The following MDGA2 variants were observed in gnomAD, a reference collection of about 807,000 sequenced individuals.
MDGA2 encodes the protein MAM domain-containing glycosylphosphatidylinositol anchor protein 2.
MDGA2 carries 40 observed loss-of-function variants against 117.8 expected under a neutral mutation model. The ratio of observed to expected loss-of-function variants is 0.34; its 90% confidence interval spans 0.26 to 0.44. The LOEUF is 0.44. MDGA2 is among the 20% of genes least tolerant of loss of function. MDGA2 has a pLI of 1.00. For missense variants in MDGA2, 1,123 were observed against 1,250.6 expected (o/e 0.90, Z 1.54); for synonymous variants, 452 against 439.0 (o/e 1.03, Z -0.37).
At chr14:47,103,439 T>G (rs959195214) in intron 5 of MDGA2, among the ~76,000 whole-genome samples, 4 of 152,228 alleles carry the variant, frequency 2.6e-5, no homozygotes, top group Non-Finnish European at 5.9e-5. Context: ...TATGTGGAGT[T>G]ATTATTCAAA....
intron 8 of MDGA2, among the ~76,000 whole-genome samples, chr14:46,989,681 T>C (rs928603632): frequency 2.0e-5 from 3 of 152,076 alleles, no homozygotes; most frequent in African/African-American, 2.4e-5. Flanking sequence ...TCCATATAGA[T>C]TGTGTTTTTT....
chr14:47,554,292 G>C (rs536002925), intron 1 of MDGA2, among the ~76,000 whole-genome samples: 59 of 152,298 alleles, frequency 3.9e-4, no homozygotes, highest in African/African-American at 1.4e-3. Context: ...GAATTTTGCT[G>C]CTAGGAAAAA....
At chr14:47,113,933 AG>A (rs1302315768) in intron 5 of MDGA2, among the ~76,000 whole-genome samples, 18 of 152,270 alleles carry the variant, frequency 1.2e-4, no homozygotes, top group African/African-American at 3.8e-4. Flanking sequence ...AAAGAAATAA[AG>A]GGTATTCAGA....
At chr14:47,254,079 G>A (rs898403661) in intron 2 of MDGA2, among the ~76,000 whole-genome samples, 2 of 152,174 alleles carry the variant, frequency 1.3e-5, no homozygotes, top group African/African-American at 2.4e-5. Flanking sequence ...GAGCAGGGGG[G>A]CCCTGGGCCT....
At chr14:47,405,761 T>C (rs1204583360) in intron 1 of MDGA2, among the ~76,000 whole-genome samples, 2 of 152,144 alleles carry the variant, frequency 1.3e-5, no homozygotes, top group African/African-American at 4.8e-5. Context: ...GAGGGAGATT[T>C]AAAGTGCTTG....
chr14:47,290,677 G>C (rs1473967728), intron 2 of MDGA2, among the ~76,000 whole-genome samples: 1 of 151,752 alleles, frequency 6.6e-6, no homozygotes, highest in Admixed American at 6.6e-5. Flanking sequence ...AAGATACTAG[G>C]GTCACATGTA....
chr14:46,944,148 G>A lies in MDGA2; in HGVS notation c.2089+13226C>T, dbSNP rs1885090327. 2.0e-5 allele frequency among the ~76,000 whole-genome samples: 3 copies of A among 151,678 alleles called. No individual in the cohort carries two copies. The South Asian group carries it at 6.2e-4, about 32-fold the overall frequency. ...AAAGATCACCGTTTAGCATATTTTTGTACTGCAGTTTCACAGACTACCAAT... is the reference window on the plus strand; with the variant it reads ...AAAGATCACCGTTTAGCATATTTTTATACTGCAGTTTCACAGACTACCAAT... On this transcript the variant is annotated intron_variant, in intron 9 of 16. Coordinates refer to ENST00000399232, the MANE Select transcript of MDGA2 (RefSeq NM_001113498.3).
chr14:47,441,523 T>C (rs1893011104), intron 1 of MDGA2, among the ~76,000 whole-genome samples: 1 of 152,184 alleles, frequency 6.6e-6, no homozygotes, highest in South Asian at 2.1e-4. Flanking sequence ...AGAGATAATC[T>C]AACTCTAATT....
chr14:47,467,289 G>A (rs1893623945), intron 1 of MDGA2, among the ~76,000 whole-genome samples: 1 of 152,040 alleles, frequency 6.6e-6, no homozygotes, highest in Admixed American at 6.6e-5. Context: ...GCTGACTATG[G>A]GTAGCTGAGA....
chr14:47,130,071 T>C (rs1304762150), intron 5 of MDGA2, among the ~76,000 whole-genome samples: 1 of 151,822 alleles, frequency 6.6e-6, no homozygotes, highest in Non-Finnish European at 1.5e-5. Flanking sequence ...TAGTTTCTTT[T>C]GCTGTGCAGA....
At chr14:47,007,980 G>A (rs1186628626) in intron 8 of MDGA2, among the ~76,000 whole-genome samples, 1 of 151,742 alleles carries the variant, frequency 6.6e-6, no homozygotes, top group East Asian at 1.9e-4. Flanking sequence ...TGGAAAGCAT[G>A]CAATTTCCAA....
At chr14:47,411,605 T>C (rs1279643708) in intron 1 of MDGA2, among the ~76,000 whole-genome samples, 2 of 152,122 alleles carry the variant, frequency 1.3e-5, no homozygotes, top group Admixed American at 6.6e-5. Flanking sequence ...AAATGTTATA[T>C]AGGACCAGAA....
intron 5 of MDGA2, among the ~76,000 whole-genome samples, chr14:47,127,541 A>G (rs1206392779): frequency 6.6e-6 from 1 of 152,164 alleles, no homozygotes; most frequent in African/African-American, 2.4e-5. Flanking sequence ...GAAGAGTTGA[A>G]TAGGTACTAG....
intron 6 of MDGA2, among the ~76,000 whole-genome samples, chr14:47,091,878 G>A (rs984315371): frequency 6.6e-6 from 1 of 152,064 alleles, no homozygotes; most frequent in African/African-American, 2.4e-5. Flanking sequence ...AGATGGCAGA[G>A]ACATGATCAG....
intron 3 of MDGA2, among the ~76,000 whole-genome samples, chr14:47,189,238 A>C (rs1167250215): frequency 6.6e-6 from 1 of 151,970 alleles, no homozygotes; most frequent in Non-Finnish European, 1.5e-5. Flanking sequence ...AGAAATACCC[A>C]TACATGCTCA....
In MDGA2 at chr14:47,563,619, AT is replaced by A. The variant is rs1321661868; in HGVS notation, c.280+110897del. Among the ~76,000 whole-genome samples the A allele has an allele frequency of 8.6e-3, 217 of 25,120 alleles. 3 individuals are homozygous for A. The highest frequency in any genetic ancestry group is 0.08 in the South Asian group (122 of 1,526). The allele number at this position is 25,120 out of a possible 152,430, so 16.5% of individuals were successfully genotyped here. ...TTTTTTTTTTTTTTTTGCTTGGTAG[AT>A]TTTTTTTTTCCATCTCTTTACTTTG... On this transcript the variant is annotated intron_variant, in intron 1 of 16. Coordinates refer to ENST00000399232, the MANE Select transcript of MDGA2 (RefSeq NM_001113498.3).
chr14:47,371,960 T>C (rs576024682), intron 1 of MDGA2, among the ~76,000 whole-genome samples: 6 of 151,742 alleles, frequency 4.0e-5, no homozygotes, highest in Non-Finnish European at 7.4e-5. Context: ...TTGAAATATG[T>C]TTACAAAAAT....
rs73248046 is a variant in MDGA2 at position 47,137,402 on chromosome 14, G to A, written c.793-5556C>T. The stretch of plus-strand genomic sequence containing the variant: ...CTAATGAAAGGTATCTGGGTCATGC[G>A]GGCAGACCCCTCATGAATAGATGAT... On this transcript the variant is annotated intron_variant, in intron 4 of 16. Coordinates refer to ENST00000399232, the MANE Select transcript of MDGA2 (RefSeq NM_001113498.3). Among the ~76,000 whole-genome samples, 903 of 152,136 alleles carry A rather than the reference G, an allele frequency of 5.9e-3. 9 individuals carry two copies. Among genetic ancestry groups the A allele is most frequent in the African/African-American group, 0.02 (846 of 41,490 alleles).
intron 1 of MDGA2, among the ~76,000 whole-genome samples, chr14:47,443,046 G>C (rs1893046465): frequency 6.6e-6 from 1 of 152,096 alleles, no homozygotes; most frequent in South Asian, 2.1e-4. Flanking sequence ...TGCAAAAATA[G>C]TGACGCTAGC....
Sources: gnomAD v4.1 joint callset for allele counts (sites outside exome capture counted in the v4.1 genomes callset) on GRCh38, gnomAD v4.1.1 for gene constraint, MANE v1.5 for transcripts, NCBI Gene and HGNC (gene_info 2026-07-23, HGNC 2026-07-21) for gene names.